Variants in GNB1 observed in about 807,000 individuals in gnomAD.
GNB1 encodes G protein subunit beta 1, also known as guanine nucleotide-binding protein G(I)/G(S)/G(T) subunit beta-1.
Under a neutral mutation model 42.9 loss-of-function variants are expected in GNB1, and 2 were observed. That is an observed-to-expected ratio of 0.05 (90% CI 0.02 to 0.15). The LOEUF is 0.15. GNB1 is among the 10% of genes least tolerant of loss of function. GNB1 has a pLI of 1.00. For synonymous variants in GNB1, 183 were observed against 174.7 expected (o/e 1.05, Z -0.38); for missense variants, 193 against 462.2 (o/e 0.42, Z 5.34).
At chr1:1,833,170 T>C (rs972195201) in intron 2 of GNB1, among the ~76,000 whole-genome samples, 1 of 152,078 alleles carries the variant, frequency 6.6e-6, no homozygotes, top group Non-Finnish European at 1.5e-5. Context: ...ACTTCCGAAG[T>C]CCAAACCGGC....
intron 7 of GNB1, among the ~76,000 whole-genome samples, chr1:1,798,975 G>A (rs1040129453): frequency 2.0e-5 from 3 of 150,746 alleles, no homozygotes; most frequent in Admixed American, 6.6e-5. Context: ...GTTGGAGTGC[G>A]GTGGCGCGAT....
chr1:1,880,445 G>A lies in GNB1; in HGVS notation c.-96+10375C>T, dbSNP rs61193042. Among the ~76,000 whole-genome samples the A allele has an allele frequency of 3.1e-3, 467 of 152,034 alleles. 1 individual carries two copies. Among genetic ancestry groups the A allele is most frequent in the Middle Eastern group, 0.024 (7 of 292 alleles). On this transcript the variant is annotated intron_variant, in intron 1 of 11. Coordinates refer to ENST00000378609, the MANE Select transcript of GNB1 (RefSeq NM_002074.5). ...CTACTAAAAATACAAAAAATTAGCCGGGCGTGGTGGGGGGTGCCTGTAGTC... is the reference window on the plus strand; with the variant it reads ...CTACTAAAAATACAAAAAATTAGCCAGGCGTGGTGGGGGGTGCCTGTAGTC...
chr1:1,847,701 AC>A (rs990337642), intron 1 of GNB1, among the ~76,000 whole-genome samples: 1 of 152,142 alleles, frequency 6.6e-6, no homozygotes, highest in Non-Finnish European at 1.5e-5. Flanking sequence ...GGAGAGGACG[AC>A]GTCCAGATGC....
At chr1:1,792,280 A>G (rs1646490750) in intron 8 of GNB1, among the ~76,000 whole-genome samples, 1 of 152,214 alleles carries the variant, frequency 6.6e-6, no homozygotes, top group South Asian at 2.1e-4. Flanking sequence ...TCACAATGAC[A>G]TGATGCTATC....
At chr1:1,829,709 G>C (rs934419637) in intron 2 of GNB1, among the ~76,000 whole-genome samples, 2 of 152,116 alleles carry the variant, frequency 1.3e-5, no homozygotes, top group African/African-American at 4.8e-5. Context: ...TGTACAAGAA[G>C]GACAAACGCC....
chr1:1,865,569 G>C (rs953242517), intron 1 of GNB1, among the ~76,000 whole-genome samples: 1 of 152,178 alleles, frequency 6.6e-6, no homozygotes. Context: ...CTGGGCAACA[G>C]AGTGAGACTC....
chr1:1,787,255 C>A lies in GNB1; in HGVS notation c.*9+67G>T. ...TTTATCTAGAAACCGTTAATGACAA[C>A]TTCAAATGTTCTATGAGAAACACGC... On this transcript the variant is annotated intron_variant, in intron 11 of 11. Coordinates refer to ENST00000378609, the MANE Select transcript of GNB1 (RefSeq NM_002074.5). This position sits in a 1 kb window ranked among gnomAD's most constrained non-coding sequence, Gnocchi z 4.4. 1 of 817,980 alleles carries A rather than the reference C, an allele frequency of 1.2e-6. No individual in the cohort carries two copies. The allele number at this position is 817,980 out of a possible 1,614,324, so 50.7% of individuals were successfully genotyped here.
At chr1:1,823,548 G>T (rs934405028) in intron 3 of GNB1, among the ~76,000 whole-genome samples, 1 of 152,072 alleles carries the variant, frequency 6.6e-6, no homozygotes, top group Non-Finnish European at 1.5e-5. Flanking sequence ...TAATTTTGGT[G>T]GAGGGGACAT....
chr1:1,870,760 C>T (rs1296857151), intron 1 of GNB1, among the ~76,000 whole-genome samples: 1 of 152,048 alleles, frequency 6.6e-6, no homozygotes, highest in African/African-American at 2.4e-5. Flanking sequence ...CAGGGTGAAA[C>T]CCCACCTCTA....
chr1:1,811,360 T>C (rs1338994822), intron 5 of GNB1, among the ~76,000 whole-genome samples: 1 of 150,512 alleles, frequency 6.6e-6, no homozygotes, highest in African/African-American at 2.4e-5. Context: ...AGTGCTGGGG[T>C]TACAGGTGTG....
At chr1:1,852,252 G>A (rs977175737) in intron 1 of GNB1, among the ~76,000 whole-genome samples, 10 of 151,642 alleles carry the variant, frequency 6.6e-5, no homozygotes, top group South Asian at 2.1e-4. Flanking sequence ...TTTTTGAGAC[G>A]GCATCTTGCT....
At chr1:1,806,675 T>A in intron 5 of GNB1, 137 bp from the exon 6 acceptor site, 1 of 540,844 alleles carries the variant, frequency 1.8e-6, no homozygotes, top group Non-Finnish European at 3.3e-6. Context: ...CACTTATTTA[T>A]AAGAAAAAAA....
In GNB1 at chr1:1,825,602, A is replaced by C. The variant is rs184283759; in HGVS notation, c.-46-103T>G. The C allele has an allele frequency of 5.9e-3, 4,130 of 698,168 alleles. 176 individuals are homozygous for C. In the Admixed American group the frequency reaches 0.075, roughly 13 times the overall value. 43.2% of individuals were successfully genotyped at this position (698,168 alleles called of 1,614,324 possible). ...AGTTTAAGGTGGGCGTGGTGGCTCA[A>C]GCCTGTAATCCCAGCACTTTGGGAG... On this transcript the variant is annotated intron_variant, in intron 2 of 11. Transcript: ENST00000378609.
chr1:1,875,293 G>A (rs1649481072), intron 1 of GNB1, among the ~76,000 whole-genome samples: 1 of 151,966 alleles, frequency 6.6e-6, no homozygotes. Context: ...TCCAGTTCAA[G>A]TGATTCTCAT....
chr1:1,788,723 G>A, intron 10 of GNB1: 1 of 272,684 alleles, frequency 3.7e-6, no homozygotes, highest in Non-Finnish European at 7.2e-6. Flanking sequence ...ACCCAGAGGT[G>A]TCCCTGCATG....
chr1:1,792,099 T>G (rs555881529), intron 8 of GNB1, among the ~76,000 whole-genome samples: 3 of 152,198 alleles, frequency 2.0e-5, no homozygotes, highest in Admixed American at 1.3e-4. Flanking sequence ...CTAAAATGAC[T>G]CTCATAAAAT....
At chr1:1,819,189 T>C (rs956446744) in intron 3 of GNB1, among the ~76,000 whole-genome samples, 15 of 152,100 alleles carry the variant, frequency 9.9e-5, no homozygotes, top group Admixed American at 7.9e-4. Flanking sequence ...GGTTTAAAGT[T>C]TGAGTGTTGG....
chr1:1,867,086 G>T (rs1648984652), intron 1 of GNB1, among the ~76,000 whole-genome samples: 1 of 152,052 alleles, frequency 6.6e-6, no homozygotes, highest in East Asian at 1.9e-4. Context: ...GGCCAACATG[G>T]CGAAACCCCA....
At chr1:1,805,385 AG>A (rs1646683134) in intron 6 of GNB1, among the ~76,000 whole-genome samples, 1 of 143,168 alleles carries the variant, frequency 7.0e-6, no homozygotes, top group Non-Finnish European at 1.5e-5. Context: ...CGCTTGAACC[AG>A]GGGGGTGGAG....
Sources: allele counts gnomAD v4.1 joint callset (sites outside exome capture counted in the v4.1 genomes callset), GRCh38; gene constraint gnomAD v4.1.1; non-coding constraint Gnocchi (gnomAD v3.1); transcripts MANE v1.5; gene names NCBI Gene and HGNC (gene_info 2026-07-23, HGNC 2026-07-21).